Variants in WRAP53 observed in about 807,000 individuals in gnomAD.
WRAP53 encodes the protein WD repeat containing antisense to TP53, also known as telomerase Cajal body protein 1.
A neutral mutation model predicts 56.6 loss-of-function variants in WRAP53; 28 were observed. The observed-to-expected ratio is 0.50, with a 90% CI of 0.37 to 0.68. WRAP53 has a LOEUF of 0.68. Among genes scored for constraint, WRAP53 ranks in the 30% least tolerant of loss-of-function variants. WRAP53 has a pLI of 0.00. For missense variants in WRAP53, 671 were observed against 715.5 expected (o/e 0.94, Z 0.71); for synonymous variants, 283 against 283.4 (o/e 1.00, Z 0.01).
intron 4 of WRAP53, among the ~76,000 whole-genome samples, chr17:7,697,543 C>T (rs991460845): frequency 4.6e-5 from 7 of 151,534 alleles, no homozygotes; most frequent in African/African-American, 1.7e-4. Context: ...CCTGTGGTCC[C>T]GGCTCCTTGG....
At position 7,701,305 on chromosome 17, in the gene WRAP53, A is replaced by G. The variant is rs897246786; in HGVS notation, c.732-154A>G. The G allele has an allele frequency of 9.8e-5, 77 of 789,284 alleles. No homozygotes were observed. Among genetic ancestry groups the G allele is most frequent in the Non-Finnish European group, 1.5e-4 (69 of 451,968 alleles). The allele number at this position is 789,284 out of a possible 1,614,324, so 48.9% of individuals were successfully genotyped here. A position where few individuals can be genotyped will look rare whatever the true frequency, so the allele number is the denominator to read the frequency against. ...TTTTTAGTAGAGACAGGGTTTCACC[A>G]TGTTGGCCAGGCTGGTCTCGAACTC... is the stretch of plus-strand genomic sequence containing the variant. On this transcript the variant is annotated intron_variant, in intron 5 of 10. Transcript: ENST00000396463. The surrounding 1 kb of genome is among the most constrained non-coding windows in gnomAD (Gnocchi z 4.2).
rs764119462 is a variant in WRAP53, at chr17:7,702,327, G to T, written c.956-17G>T. On this transcript the variant is annotated splice_polypyrimidine_tract_variant and intron_variant, in intron 7 of 10. Transcript: ENST00000396463. This position sits in a 1 kb window ranked among gnomAD's most constrained non-coding sequence, Gnocchi z 5.0. ...GAGCCATTGCCCCCTCCCCCACTTT[G>T]TTCCTTCCCTCTCTAGCAAAAAAGC... 42 of 1,613,932 alleles carry T rather than the reference G, an allele frequency of 2.6e-5. No homozygotes were observed. Among genetic ancestry groups the T allele is most frequent in the Non-Finnish European group, 3.6e-5 (42 of 1,179,982 alleles).
At chr17:7,699,488 A>G (rs1174595569) in intron 4 of WRAP53, among the ~76,000 whole-genome samples, 18 of 14,154 alleles carry the variant, frequency 1.3e-3, no homozygotes, top group African/African-American at 6.0e-3. Context: ...ATATATATAT[A>G]TATATATATA....
intron 4 of WRAP53, among the ~76,000 whole-genome samples, chr17:7,697,198 G>A (rs886258748): frequency 6.6e-6 from 1 of 151,848 alleles, no homozygotes; most frequent in Non-Finnish European, 1.5e-5. Flanking sequence ...GCAGGCGCCT[G>A]TAATCCCAGC....
intron 4 of WRAP53, among the ~76,000 whole-genome samples, chr17:7,693,088 A>G (rs2074135759): frequency 6.6e-6 from 1 of 151,928 alleles, no homozygotes; most frequent in South Asian, 2.1e-4. Flanking sequence ...TCTTAGCAGC[A>G]TGAGTCACTG....
chr17:7,702,263 G>A lies in WRAP53; in HGVS notation c.956-81G>A. ...TTGAGTCCAAGCATGTTGGTGCTGG[G>A]ACGGGAGACAGACCTCTGCTTAGCC... On this transcript the variant is annotated intron_variant, in intron 7 of 10. Transcript: ENST00000396463. This position sits in a 1 kb window ranked among gnomAD's most constrained non-coding sequence, Gnocchi z 5.0. 2.0e-6 allele frequency: 3 copies of A among 1,477,358 alleles called. No individual in the cohort carries two copies. The highest frequency in any genetic ancestry group is 2.8e-6 in the Non-Finnish European group (3 of 1,057,466). 91.5% of individuals were successfully genotyped at this position (1,477,358 alleles called of 1,614,324 possible).
At chr17:7,688,000 A>G (rs1388277581), upstream of WRAP53, 1 of 175,104 alleles carries the variant, frequency 5.7e-6, no homozygotes. Flanking sequence ...CAGTACATGG[A>G]AACGTAAGCC....
intron 4 of WRAP53, among the ~76,000 whole-genome samples, chr17:7,694,250 T>C (rs1201022400): frequency 6.8e-6 from 1 of 146,518 alleles, no homozygotes; most frequent in Non-Finnish European, 1.5e-5. Flanking sequence ...TTCTTTTTTT[T>C]TTTTTTTTTT....
rs768131332 is a variant in WRAP53, at chr17:7,701,580, C to T, written c.822+31C>T. On this transcript the variant is annotated intron_variant, in intron 6 of 10. Coordinates refer to ENST00000396463, the MANE Select transcript of WRAP53 (RefSeq NM_001143992.2). The surrounding 1 kb of genome is among the most constrained non-coding windows in gnomAD (Gnocchi z 4.2). Reference sequence around the variant, plus strand: ...GACCGCCATACTCAGCCCCAGCACTCGTACTGGCCCGGCTCTCCTTCCTTG... The same window carrying T: ...GACCGCCATACTCAGCCCCAGCACTTGTACTGGCCCGGCTCTCCTTCCTTG... The T allele has an allele frequency of 1.5e-5, 25 of 1,614,114 alleles. No homozygotes were observed. The highest frequency in any genetic ancestry group is 6.6e-5 in the South Asian group (6 of 91,094).
intron 4 of WRAP53, among the ~76,000 whole-genome samples, chr17:7,692,744 T>G (rs181752000): frequency 0.037 from 5,212 of 139,122 alleles, 156 homozygotes; most frequent in Non-Finnish European, 0.057. Flanking sequence ...TGGGTCATTC[T>G]CCTTTTTTTT....
At chr17:7,692,045 T>A (rs1200175164) in intron 4 of WRAP53, among the ~76,000 whole-genome samples, 1 of 151,280 alleles carries the variant, frequency 6.6e-6, no homozygotes, top group African/African-American at 2.4e-5. Context: ...GTTCATCATA[T>A]TGGCCAGGCT....
At chr17:7,686,761 AACCCCTGGTTT>A (rs2073993823), upstream of WRAP53, 2 of 152,422 alleles carry the variant, frequency 1.3e-5, no homozygotes, top group South Asian at 4.1e-4. Flanking sequence ...CTGGCGGGCA[AACCCCTGGTTT>A]AGCACTTCTC....
rs755130675 is a variant in WRAP53 at position 7,688,629 on chromosome 17, C to T, written c.-1-19C>T. On this transcript the variant is annotated intron_variant, in intron 1 of 10. Transcript: ENST00000396463. ...AGCCATCCTGGCTGAGGCTAATCTCCGCTGTGCTTCCTCTGCAGTATGAAG... is the reference window on the plus strand; with the variant it reads ...AGCCATCCTGGCTGAGGCTAATCTCTGCTGTGCTTCCTCTGCAGTATGAAG... The T allele has an allele frequency of 6.8e-6, 11 of 1,613,842 alleles. No homozygotes were observed. The highest frequency in any genetic ancestry group is 1.3e-5 in the African/African-American group (1 of 74,936).
At chr17:7,691,306 G>A (rs546282337) in intron 4 of WRAP53, among the ~76,000 whole-genome samples, 74 of 152,224 alleles carry the variant, frequency 4.9e-4, no homozygotes, top group Admixed American at 1.2e-3. Context: ...GGGGACAGAG[G>A]GGTGAGGACA....
rs1378905907 is a variant in WRAP53, at chr17:7,699,426, TA to T, written c.643-1303del. ...CAGAGTGAGACTCTGCCTTTAAAAT[TA>T]AAAAAAAAAAATTTATATATATATA... On this transcript the variant is annotated intron_variant, in intron 4 of 10. Coordinates refer to ENST00000396463, the MANE Select transcript of WRAP53 (RefSeq NM_001143992.2). Among the ~76,000 whole-genome samples the T allele has an allele frequency of 2.1e-3, 203 of 99,024 alleles. 2 individuals carry two copies. The highest frequency in any genetic ancestry group is 6.0e-3 in the East Asian group (21 of 3,472). The allele number at this position is 99,024 out of a possible 152,430, so 65.0% of individuals were successfully genotyped here.
At chr17:7,690,012 G>C (rs1480437673) in intron 4 of WRAP53, among the ~76,000 whole-genome samples, 1 of 151,136 alleles carries the variant, frequency 6.6e-6, no homozygotes, top group Admixed American at 6.6e-5. Flanking sequence ...GCTGTGGTGT[G>C]ATCTCGGCTC....
At chr17:7,695,738 C>A (rs958651329) in intron 4 of WRAP53, among the ~76,000 whole-genome samples, 1 of 152,164 alleles carries the variant, frequency 6.6e-6, no homozygotes, top group African/African-American at 2.4e-5. Context: ...TCTCTCTCAT[C>A]CTTTAATCTT....
chr17:7,688,410 A>G (rs370181839), upstream of WRAP53: 40 of 565,260 alleles, frequency 7.1e-5, no homozygotes, highest in African/African-American at 5.5e-4. Flanking sequence ...CGGCGGCCCA[A>G]TCGGAAGGTG....
Position 7,688,882 on chromosome 17 carries a change from C to T in WRAP53, c.234C>T (p.Pro78=). 1 of 1,614,180 alleles carries T rather than the reference C, an allele frequency of 6.2e-7. No individual in the cohort carries two copies. The highest frequency in any genetic ancestry group is 8.5e-7 in the Non-Finnish European group (1 of 1,180,044). The stretch of plus-strand genomic sequence containing the variant: ...GGGACCCAGTTTCTCTCTCCACTCC[C>T]CTGGAAACAGAGTTTGGTTCCCCTA... ...REGDPVSLST[P]LETEFGSPSE... is the part of the protein sequence containing the mutation. The change falls in exon 2 of 11, where the codon CCC becomes CCT. Residue 78 remains proline, a synonymous_variant. Coordinates refer to ENST00000396463, the MANE Select transcript of WRAP53 (RefSeq NM_001143992.2).
Sources: allele counts gnomAD v4.1 joint callset (sites outside exome capture counted in the v4.1 genomes callset), GRCh38; gene constraint gnomAD v4.1.1; non-coding constraint Gnocchi (gnomAD v3.1); transcripts MANE v1.5; gene names NCBI Gene and HGNC (gene_info 2026-07-23, HGNC 2026-07-21).